Variants in GALNT8 observed in about 807,000 individuals in gnomAD.
GALNT8 encodes the protein polypeptide N-acetylgalactosaminyltransferase 8, also known as probable polypeptide N-acetylgalactosaminyltransferase 8.
Under a neutral mutation model 62.7 loss-of-function variants are expected in GALNT8, and 66 were observed. The observed-to-expected ratio is 1.05, with a 90% CI of 0.86 to 1.29. The LOEUF (loss-of-function observed/expected upper bound fraction) is 1.29. Ranked by LOEUF, GALNT8 falls within the 50% of genes most tolerant of loss-of-function variation. The probability of loss-of-function intolerance (pLI) is 0.00; values close to 1 mark genes in which losing one functional copy is unlikely to be tolerated. For synonymous variants in GALNT8, 288 were observed against 294.3 expected (o/e 0.98, Z 0.22); for missense variants, 771 against 791.8 (o/e 0.97, Z 0.32).
chr12:4,742,573 G>A (rs1357849974), intron 3 of GALNT8, among the ~76,000 whole-genome samples: 2 of 152,184 alleles, frequency 1.3e-5, no homozygotes, highest in Non-Finnish European at 2.9e-5. Context: ...GTGACAAACC[G>A]AGTGAACCGT....
chr12:4,735,447 T>A (rs1029705205), intron 2 of GALNT8, among the ~76,000 whole-genome samples: 4 of 152,140 alleles, frequency 2.6e-5, no homozygotes, highest in African/African-American at 9.6e-5. Flanking sequence ...TCCCTGCAGG[T>A]CCTAGCATAC....
At chr12:4,743,317 C>T (rs2137530636) in intron 3 of GALNT8, among the ~76,000 whole-genome samples, 1 of 152,316 alleles carries the variant, frequency 6.6e-6, no homozygotes, top group South Asian at 2.1e-4. Flanking sequence ...ACCTTGGCTA[C>T]CCCAGCTTAC....
At chr12:4,733,785 A>G (rs1407076611) in intron 2 of GALNT8, among the ~76,000 whole-genome samples, 1 of 152,184 alleles carries the variant, frequency 6.6e-6, no homozygotes, top group East Asian at 1.9e-4. Flanking sequence ...CCACTTACGA[A>G]TTCGCCACTT....
At chr12:4,743,021 T>C (rs1015923463) in intron 3 of GALNT8, among the ~76,000 whole-genome samples, 3 of 152,250 alleles carry the variant, frequency 2.0e-5, no homozygotes, top group Non-Finnish European at 4.4e-5. Context: ...ATTTTTAATA[T>C]TTGTTTTTCT....
chr12:4,748,864 A>AT (rs1360788595), intron 6 of GALNT8, among the ~76,000 whole-genome samples: 5 of 152,074 alleles, frequency 3.3e-5, no homozygotes, highest in Admixed American at 6.6e-5. Context: ...ATATCTTTCC[A>AT]TTTTTTGGTG....
Position 4,726,291 on chromosome 12 carries a change from G to A in GALNT8, c.212-241G>A, listed in dbSNP as rs932771536. On this transcript the variant is annotated intron_variant, in intron 1 of 10. Coordinates refer to ENST00000252318, the MANE Select transcript of GALNT8 (RefSeq NM_017417.2). The surrounding 1 kb of genome is among the most constrained non-coding windows in gnomAD (Gnocchi z 4.1). ...CAGTTCTTCGAGGAGCTTTGAAGAT[G>A]TGGGATGGAGGAGTTTTGATGGGGC... Among the ~76,000 whole-genome samples, 19 of 152,188 alleles carry A rather than the reference G, an allele frequency of 1.2e-4. No homozygotes were observed. The highest frequency in any genetic ancestry group is 4.3e-4 in the African/African-American group (18 of 41,436).
Position 4,764,004 on chromosome 12 carries a change from G to A in GALNT8, c.1550G>A (p.Gly517Asp), listed in dbSNP as rs1328467544. The change falls in exon 9 of 11, where the codon GGC becomes GAC. Residue 517 changes from glycine to aspartate, a missense_variant. Coordinates refer to ENST00000252318, the MANE Select transcript of GALNT8 (RefSeq NM_017417.2). ...NVCLDQGPVP[G>D]NTPIMYYCHE... ...TGCTTGGATCAGGGACCCGTTCCAG[G>A]CAACACCCCCATCATGTATTACTGC... The A allele has an allele frequency of 6.2e-7, 1 of 1,600,834 alleles. No homozygotes were observed. Among genetic ancestry groups the A allele is most frequent in the Non-Finnish European group, 8.6e-7 (1 of 1,167,866 alleles).
At chr12:4,747,259 AATTATT>A (rs1946304039) in intron 6 of GALNT8, among the ~76,000 whole-genome samples, 1 of 152,122 alleles carries the variant, frequency 6.6e-6, no homozygotes, top group African/African-American at 2.4e-5. Flanking sequence ...TGCAAAATTA[AATTATT>A]ATTAACTATA....
At chr12:4,724,261 A>G (rs2137516552) in intron 1 of GALNT8, among the ~76,000 whole-genome samples, 1 of 151,850 alleles carries the variant, frequency 6.6e-6, no homozygotes, top group South Asian at 2.1e-4. Context: ...CTATTGAGGG[A>G]GGGATCAATG....
In GALNT8 at chr12:4,764,737, A is replaced by T. The variant is rs1218887787; in HGVS notation, c.1594-642A>T. Reference sequence around the variant, plus strand: ...TTTTTGTATTTTTTTTTTTTTTAGCAGAGACGGGGTTTCACCATGTTAGCC... The same window carrying T: ...TTTTTGTATTTTTTTTTTTTTTAGCTGAGACGGGGTTTCACCATGTTAGCC... On this transcript the variant is annotated intron_variant, in intron 9 of 10. Coordinates refer to ENST00000252318, the MANE Select transcript of GALNT8 (RefSeq NM_017417.2). Among the ~76,000 whole-genome samples, 3 of 147,882 alleles carry T rather than the reference A, an allele frequency of 2.0e-5. No individual in the cohort carries two copies. The East Asian group carries it at 6.2e-4, about 31-fold the overall frequency.
intron 1 of GALNT8, 36 bp downstream of exon 1, chr12:4,720,924 T>G (rs1359699850): frequency 1.6e-6 from 2 of 1,286,950 alleles, no homozygotes; most frequent in Non-Finnish European, 1.1e-6. Flanking sequence ...GGTGTGTGTG[T>G]GGGTGTGTGT....
intron 10 of GALNT8, among the ~76,000 whole-genome samples, chr12:4,770,987 G>A (rs1946421711): frequency 1.3e-5 from 2 of 152,208 alleles, no homozygotes; most frequent in African/African-American, 2.4e-5. Flanking sequence ...ACAGAGGGGG[G>A]CTGCTGGCGG....
chr12:4,745,331 C>G (rs1946292347), intron 4 of GALNT8, 98 bp from the exon 5 acceptor site: 1 of 764,018 alleles, frequency 1.3e-6, no homozygotes, highest in Non-Finnish European at 2.3e-6. Flanking sequence ...GGAGGAGGTA[C>G]TCAATGTCAG....
At chr12:4,730,134 T>G (rs1421882241) in intron 2 of GALNT8, among the ~76,000 whole-genome samples, 1 of 152,216 alleles carries the variant, frequency 6.6e-6, no homozygotes, top group African/African-American at 2.4e-5. Flanking sequence ...AATATATGGT[T>G]TGCAAATATT....
At chr12:4,762,817 T>C (rs1184099335) in intron 7 of GALNT8, among the ~76,000 whole-genome samples, 1 of 152,210 alleles carries the variant, frequency 6.6e-6, no homozygotes, top group African/African-American at 2.4e-5. Flanking sequence ...TTAAAGGAGT[T>C]TAGCTGAGCA....
Position 4,764,019 on chromosome 12 carries a change from T to C in GALNT8, c.1565T>C (p.Met522Thr), listed in dbSNP as rs773454741. 1 of 1,587,398 alleles carries C rather than the reference T, an allele frequency of 6.3e-7. No homozygotes were observed. The highest frequency in any genetic ancestry group is 8.7e-7 in the Non-Finnish European group (1 of 1,155,362). Residue 522 changes from methionine to threonine, a missense_variant, in exon 9 of 11, where the codon ATG becomes ACG. Coordinates refer to ENST00000252318, the MANE Select transcript of GALNT8 (RefSeq NM_017417.2). Reference sequence around the variant, plus strand: ...CCCGTTCCAGGCAACACCCCCATCATGTATTACTGCCATGAATTCAGCTCA... The same window carrying C: ...CCCGTTCCAGGCAACACCCCCATCACGTATTACTGCCATGAATTCAGCTCA... ...QGPVPGNTPI[M>T]YYCHEFSSQN...
intron 10 of GALNT8, among the ~76,000 whole-genome samples, chr12:4,770,257 A>G (rs1946417105): frequency 6.6e-6 from 1 of 151,766 alleles, no homozygotes; most frequent in South Asian, 2.1e-4. Context: ...AGCCAAGATC[A>G]TGCCACTGCA....
In GALNT8 at chr12:4,765,457, A is replaced by G; in HGVS notation, c.1672A>G (p.Thr558Ala). 2 of 1,612,176 alleles carry G rather than the reference A, an allele frequency of 1.2e-6. No individual in the cohort carries two copies. Among genetic ancestry groups the G allele is most frequent in the Non-Finnish European group, 1.7e-6 (2 of 1,179,530 alleles). ...GGCCAGTGCTAGTGATCGCTGCCTGACAGACCCTGGCAAGGCGGAGAAGCC... is the reference window on the plus strand; with the variant it reads ...GGCCAGTGCTAGTGATCGCTGCCTGGCAGACCCTGGCAAGGCGGAGAAGCC... ...AEASASDRCL[T>A]DPGKAEKPTL... The change falls in exon 10 of 11, where the codon ACA becomes GCA. Residue 558 changes from threonine (T) to alanine (A), a missense_variant. Physicochemically the swap from Thr to Ala is moderately conservative, Grantham distance 58. Coordinates refer to ENST00000252318, the MANE Select transcript of GALNT8 (RefSeq NM_017417.2).
In GALNT8 at chr12:4,720,511, C is replaced by T; in HGVS notation, c.-167C>T. 1 of 612,640 alleles carries T rather than the reference C, an allele frequency of 1.6e-6. No individual in the cohort carries two copies. The highest frequency in any genetic ancestry group is 2.7e-5 in the East Asian group (1 of 36,464). 38.0% of individuals were successfully genotyped at this position (612,640 alleles called of 1,614,324 possible). A position where few individuals can be genotyped will look rare whatever the true frequency, so the allele number is the denominator to read the frequency against. On this transcript the variant is annotated 5_prime_UTR_variant, in exon 1 of 11. Transcript: ENST00000252318. ...AGAAGGCAATAAGGAGACTTTGCTC[C>T]TCAGAGGCCACCCGTGGCTTCCCAT... is the stretch of plus-strand genomic sequence containing the variant.
Sources: allele counts gnomAD v4.1 joint callset (sites outside exome capture counted in the v4.1 genomes callset), GRCh38; gene constraint gnomAD v4.1.1; non-coding constraint Gnocchi (gnomAD v3.1); transcripts MANE v1.5; gene names NCBI Gene and HGNC (gene_info 2026-07-23, HGNC 2026-07-21).